Variants in YTHDF2 observed in about 807,000 individuals in gnomAD.
YTHDF2 encodes YTH domain-containing family protein 2.
YTHDF2 carries 2 observed loss-of-function variants against 50.4 expected under a neutral mutation model. The observed-to-expected ratio is 0.04, with a 90% CI of 0.02 to 0.12. The LOEUF is 0.12. Ranked by LOEUF, YTHDF2 falls within the 10% of genes least tolerant of loss-of-function variation. YTHDF2 has a pLI of 1.00. For missense variants in YTHDF2, 483 were observed against 722.6 expected, an observed-to-expected ratio of 0.67 and a Z score of 3.80; for synonymous variants, 217 against 255.6, an observed-to-expected ratio of 0.85 and a Z score of 1.44.
chr1:28,736,975 C>A lies in YTHDF2; in HGVS notation c.-146C>A. 2 of 1,002,182 alleles carry A rather than the reference C, an allele frequency of 2.0e-6. No homozygotes were observed. Among genetic ancestry groups the A allele is most frequent in the Non-Finnish European group, 2.9e-6 (2 of 687,844 alleles). 62.1% of individuals were successfully genotyped at this position (1,002,182 alleles called of 1,614,324 possible). On this transcript the variant is annotated 5_prime_UTR_variant, in exon 1 of 5. Coordinates refer to ENST00000373812, the MANE Select transcript of YTHDF2 (RefSeq NM_016258.3). Reference sequence around the variant, plus strand: ...CGAGTCGGAGCCGGAGCCTGAGCCGCGCGCTGTGTCTCCGCTGCGTCCGCC... The same window carrying A: ...CGAGTCGGAGCCGGAGCCTGAGCCGAGCGCTGTGTCTCCGCTGCGTCCGCC...
At chr1:28,760,614 G>T (rs2088108641) in intron 4 of YTHDF2, among the ~76,000 whole-genome samples, 2 of 151,560 alleles carry the variant, frequency 1.3e-5, no homozygotes, top group Non-Finnish European at 2.9e-5. Context: ...ATCTCACTCT[G>T]TTGCCCGGGC....
intron 3 of YTHDF2, among the ~76,000 whole-genome samples, chr1:28,740,723 A>T (rs1427665825): frequency 6.6e-6 from 1 of 152,046 alleles, no homozygotes; most frequent in Non-Finnish European, 1.5e-5. Context: ...TTTATTTTTG[A>T]GATAGAGTCT....
chr1:28,763,443 T>G (rs2088164254), intron 4 of YTHDF2, among the ~76,000 whole-genome samples: 1 of 151,878 alleles, frequency 6.6e-6, no homozygotes, highest in South Asian at 2.1e-4. Context: ...CTGGCTAGTT[T>G]TTTATTTATT....
intron 4 of YTHDF2, among the ~76,000 whole-genome samples, chr1:28,752,145 T>C (rs922240126): frequency 6.6e-6 from 1 of 152,246 alleles, no homozygotes. Context: ...CAAGAATACC[T>C]TTCTGTACAT....
chr1:28,751,925 TCAAATGGCAGCACAGTGCTTGGCACA>T, intron 4 of YTHDF2, among the ~76,000 whole-genome samples: 1 of 152,302 alleles, frequency 6.6e-6, no homozygotes, highest in Non-Finnish European at 1.5e-5. Flanking sequence ...TGATAAGCAC[TCAAATGGCAGCACAGTGCTTGGCACA>T]TAGTACACAC....
rs747799714 is a variant in YTHDF2, at chr1:28,743,242, A to G, written c.972A>G (p.Gln324=). Residue 324 remains glutamine, a synonymous_variant, in exon 4 of 5, where the codon CAA becomes CAG. Coordinates refer to ENST00000373812, the MANE Select transcript of YTHDF2 (RefSeq NM_016258.3). The surrounding 1 kb of genome is among the most constrained non-coding windows in gnomAD (Gnocchi z 6.9). ...SPPVAQASVG[Q]QTQPLPPPPP... ...CAGTGGCTCAGGCATCAGTAGGGCA[A>G]CAGACACAGCCATTGCCTCCACCTC... The G allele has an allele frequency of 6.8e-6, 11 of 1,614,102 alleles. No individual in the cohort carries two copies. Among genetic ancestry groups the G allele is most frequent in the Middle Eastern group, 1.7e-4 (1 of 6,030 alleles).
At chr1:28,760,487 G>T (rs1334953051) in intron 4 of YTHDF2, among the ~76,000 whole-genome samples, 1 of 151,932 alleles carries the variant, frequency 6.6e-6, no homozygotes, top group African/African-American at 2.4e-5. Flanking sequence ...GTAGAGACGG[G>T]GTTTCACCGT....
At chr1:28,739,539 G>A (rs1009436889) in intron 3 of YTHDF2, among the ~76,000 whole-genome samples, 1 of 151,566 alleles carries the variant, frequency 6.6e-6, no homozygotes, top group African/African-American at 2.4e-5. Context: ...AGCTCAAGAG[G>A]TCCGCCCTCC....
chr1:28,756,552 C>T (rs1040912938), intron 4 of YTHDF2, among the ~76,000 whole-genome samples: 1 of 152,060 alleles, frequency 6.6e-6, no homozygotes, highest in Non-Finnish European at 1.5e-5. Flanking sequence ...ATACCTGAAG[C>T]ATCTCTCCTA....
chr1:28,737,677 A>G lies in YTHDF2; in HGVS notation c.47A>G (p.Asn16Ser). 1.2e-6 allele frequency: 2 copies of G among 1,613,936 alleles called. No individual in the cohort carries two copies. Among genetic ancestry groups the G allele is most frequent in the Non-Finnish European group, 1.7e-6 (2 of 1,179,888 alleles). The change falls in exon 2 of 5, where the codon AAC (asparagine) becomes AGC (serine). Residue 16 changes from asparagine (N) to serine (S), a missense_variant. By Grantham distance (46) the Asn-to-Ser change is conservative (BLOSUM62 1). Coordinates refer to ENST00000373812, the MANE Select transcript of YTHDF2 (RefSeq NM_016258.3). ...CTGCAGAGACCAAAAGGTCAAGGAA[A>G]CAAAGGTAAGTCCCGCTCCGCCGGT... is the stretch of plus-strand genomic sequence containing the variant. ...LLEQRPKGQG[N>S]KVQNGSVHQK... is the part of the protein sequence containing the mutation.
intron 4 of YTHDF2, among the ~76,000 whole-genome samples, chr1:28,759,979 T>TA (rs1265359050): frequency 1.3e-5 from 2 of 151,954 alleles, no homozygotes; most frequent in Non-Finnish European, 2.9e-5. Context: ...AACAAAAACT[T>TA]ACATTTTTAA....
chr1:28,737,889 G>T, intron 2 of YTHDF2: 1 of 620,074 alleles, frequency 1.6e-6, no homozygotes, highest in Admixed American at 3.0e-5. Context: ...CATTAAGGGT[G>T]GGGGTGGATT....
intron 2 of YTHDF2, 79 bp downstream of exon 2, chr1:28,737,761 C>T (rs1031792706): frequency 8.3e-6 from 13 of 1,565,056 alleles, no homozygotes; most frequent in Middle Eastern, 2.2e-4. Flanking sequence ...GGAAGCGCCC[C>T]GGGCGGAGGA....
chr1:28,743,811 G>T lies in YTHDF2; in HGVS notation c.1541G>T (p.Arg514Leu). Reference sequence around the variant, plus strand: ...CCCAATAGCCAACTGCGACACATTCGCCTAGAGAACAACGAGAATAAACCA... The same window carrying T: ...CCCAATAGCCAACTGCGACACATTCTCCTAGAGAACAACGAGAATAAACCA... ...DVPNSQLRHI[R>L]LENNENKPVT... Residue 514 changes from arginine to leucine, a missense_variant, in exon 4 of 5, where the codon CGC becomes CTC. Transcript: ENST00000373812. This position sits in a 1 kb window ranked among gnomAD's most constrained non-coding sequence, Gnocchi z 6.9. 1 of 1,613,738 alleles carries T rather than the reference G, an allele frequency of 6.2e-7. No individual in the cohort carries two copies. The highest frequency in any genetic ancestry group is 8.5e-7 in the Non-Finnish European group (1 of 1,179,846).
chr1:28,756,026 AAGTTGCTTTGCTATTAGAG>A (rs1399348940), intron 4 of YTHDF2, among the ~76,000 whole-genome samples: 9 of 152,318 alleles, frequency 5.9e-5, no homozygotes, highest in African/African-American at 2.2e-4. Context: ...GTTGAATAAA[AAGTTGCTTTGCTATTAGAG>A]ACTTGAAAGT....
At chr1:28,762,133 T>C (rs957449920) in intron 4 of YTHDF2, among the ~76,000 whole-genome samples, 2 of 151,926 alleles carry the variant, frequency 1.3e-5, no homozygotes, top group African/African-American at 2.4e-5. Flanking sequence ...TGGCTCACGC[T>C]TGTAATCCCA....
At chr1:28,736,842 C>T (rs991107879), upstream of YTHDF2, 1 of 388,748 alleles carries the variant, frequency 2.6e-6, no homozygotes. Flanking sequence ...GCTCGCGCCG[C>T]GCGCGCCGCC....
intron 1 of YTHDF2, 24 bp downstream of exon 1, chr1:28,737,171 CG>C: frequency 6.4e-7 from 1 of 1,571,268 alleles, no homozygotes; most frequent in Non-Finnish European, 8.6e-7. Flanking sequence ...CCGCATGCCT[CG>C]GCCATTGTGT....
intron 3 of YTHDF2, among the ~76,000 whole-genome samples, chr1:28,741,607 T>G (rs890221772): frequency 1.1e-4 from 16 of 152,342 alleles, no homozygotes; most frequent in African/African-American, 3.6e-4. Context: ...TTTCTCATTT[T>G]ACATCCTCCA....
Sources: allele counts gnomAD v4.1 joint callset (sites outside exome capture counted in the v4.1 genomes callset), GRCh38; gene constraint gnomAD v4.1.1; non-coding constraint Gnocchi (gnomAD v3.1); transcripts MANE v1.5; gene names NCBI Gene and HGNC (gene_info 2026-07-23, HGNC 2026-07-21).